Variants in NUP58 observed in about 807,000 individuals in gnomAD.
NUP58 encodes nucleoporin p58/p45.
Under a neutral mutation model 70.1 loss-of-function variants are expected in NUP58, and 17 were observed. That is an observed-to-expected ratio of 0.24 (90% CI 0.17 to 0.36). The LOEUF (loss-of-function observed/expected upper bound fraction) is 0.36. Ranked by LOEUF, NUP58 falls within the 10% of genes least tolerant of loss-of-function variation. NUP58 has a pLI of 1.00. For synonymous variants in NUP58, 275 were observed against 257.6 expected (o/e 1.07, Z -0.65); for missense variants, 644 against 701.5 (o/e 0.92, Z 0.93).
At chr13:25,309,596 G>A (rs1166720438) in intron 3 of NUP58, among the ~76,000 whole-genome samples, 1 of 152,186 alleles carries the variant, frequency 6.6e-6, no homozygotes, top group Non-Finnish European at 1.5e-5. Flanking sequence ...CAAACTTTAA[G>A]CCAGAAATTT....
At chr13:25,337,966 T>C (rs1009005822) in intron 14 of NUP58, among the ~76,000 whole-genome samples, 1 of 152,180 alleles carries the variant, frequency 6.6e-6, no homozygotes, top group Non-Finnish European at 1.5e-5. Context: ...CTTCAAGTAC[T>C]TAGAATGTCA....
At chr13:25,315,221 T>A (rs912146562) in intron 5 of NUP58, 136 bp from the exon 6 acceptor site, 2 of 687,048 alleles carry the variant, frequency 2.9e-6, no homozygotes, top group Admixed American at 5.0e-5. Context: ...TCTCCAGGCT[T>A]GTTTCTTGTT....
In NUP58 at chr13:25,336,983, GGTATT is replaced by G; in HGVS notation, c.1485_1489del (p.Ile496HisfsTer19). ...TAGTTTTGGAACGCCATTCGGCTCAGGTATTGGCACTGGCTTGCAATCAAGTGGCT... is the reference window on the plus strand; with the variant it reads ...TAGTTTTGGAACGCCATTCGGCTCAGGGCACTGGCTTGCAATCAAGTGGCT... On this transcript the variant is annotated frameshift_variant, in exon 14 of 16. Coordinates refer to ENST00000381736, the MANE Select transcript of NUP58 (RefSeq NM_014089.4). LOFTEE classifies it high-confidence loss of function. 1 of 1,608,928 alleles carries G rather than the reference GGTATT, an allele frequency of 6.2e-7. No homozygotes were observed. The highest frequency in any genetic ancestry group is 8.5e-7 in the Non-Finnish European group (1 of 1,178,512).
At chr13:25,337,282 A>G (rs1235177840) in intron 14 of NUP58, among the ~76,000 whole-genome samples, 2 of 152,184 alleles carry the variant, frequency 1.3e-5, no homozygotes, top group South Asian at 2.1e-4. Flanking sequence ...CATGTTTTCA[A>G]AGCAATATGC....
chr13:25,311,525 G>A (rs1469518319), intron 3 of NUP58, among the ~76,000 whole-genome samples: 3 of 151,826 alleles, frequency 2.0e-5, no homozygotes, highest in African/African-American at 4.8e-5. Context: ...ACAGGCATGC[G>A]CCACCACGCC....
rs1007504021 is a variant in NUP58, at chr13:25,338,365, A to G, written c.1535-271A>G. On this transcript the variant is annotated intron_variant, in intron 14 of 15. Transcript: ENST00000381736. ...GGGTAAAATTTTCTAGCACATTTAG[A>G]AGAGAAAATACTAATTTCTTTTTTA... Among the ~76,000 whole-genome samples the G allele has an allele frequency of 1.4e-4, 22 of 152,294 alleles. 1 individual carries two copies. Among genetic ancestry groups the G allele is most frequent in the African/African-American group, 5.3e-4 (22 of 41,566 alleles).
intron 1 of NUP58, among the ~76,000 whole-genome samples, chr13:25,305,460 C>T (rs569451459): frequency 6.6e-6 from 1 of 152,152 alleles, no homozygotes; most frequent in South Asian, 2.1e-4. Context: ...GTGAGCCACC[C>T]GGCCTGGTCA....
chr13:25,318,503 A>T (rs954199295), intron 6 of NUP58, among the ~76,000 whole-genome samples: 2 of 152,192 alleles, frequency 1.3e-5, no homozygotes, highest in African/African-American at 4.8e-5. Context: ...TTAGAAATAC[A>T]TATTAAATTA....
At chr13:25,312,778 G>A in intron 3 of NUP58, 105 bp from the exon 4 acceptor site, 1 of 1,073,306 alleles carries the variant, frequency 9.3e-7, no homozygotes, top group Non-Finnish European at 1.3e-6. Context: ...GCAAAAGGTA[G>A]TATCATGAAC....
chr13:25,304,682 A>G (rs1185711418), intron 1 of NUP58, among the ~76,000 whole-genome samples: 1 of 150,550 alleles, frequency 6.6e-6, no homozygotes, highest in Non-Finnish European at 1.5e-5. Flanking sequence ...ACCCGGCTAA[A>G]TTTTTTATTT....
chr13:25,301,866 A>T lies in NUP58; in HGVS notation c.93A>T (p.Gly31=), dbSNP rs759033394. 7.4e-6 allele frequency: 12 copies of T among 1,612,602 alleles called. No individual in the cohort carries two copies. Among genetic ancestry groups the T allele is most frequent in the South Asian group, 1.1e-5 (1 of 90,950 alleles). ...GTSTGGVFSF[G]TGASSNPSVG... Reference sequence around the variant, plus strand: ...GCACAGGCGGCGTTTTCTCCTTCGGAACGGGAGCGTCTAGGTAACCGCACT... The same window carrying T: ...GCACAGGCGGCGTTTTCTCCTTCGGTACGGGAGCGTCTAGGTAACCGCACT... Residue 31 remains glycine, a synonymous_variant, in exon 1 of 16, where the codon GGA becomes GGT. Transcript: ENST00000381736.
At chr13:25,331,335 G>A (rs748278439) in intron 12 of NUP58, 22 bp from the exon 13 acceptor site, 100 of 1,604,980 alleles carry the variant, frequency 6.2e-5, no homozygotes, top group Non-Finnish European at 7.7e-5. Context: ...TCATTTAGCC[G>A]TTTTGTTTAT....
At chr13:25,331,912 A>G (rs554317218) in intron 13 of NUP58, 134 of 1,071,136 alleles carry the variant, frequency 1.3e-4, no homozygotes, top group Non-Finnish European at 1.5e-4. Flanking sequence ...AAAGTCAGAG[A>G]TCATCCATCC....
chr13:25,316,783 A>C (rs750949227), intron 6 of NUP58, among the ~76,000 whole-genome samples: 3 of 152,194 alleles, frequency 2.0e-5, no homozygotes, highest in Non-Finnish European at 4.4e-5. Flanking sequence ...AGTAAGATAA[A>C]TGTAAGAAAT....
intron 13 of NUP58, chr13:25,332,786 C>G (rs2031655856): frequency 8.1e-6 from 8 of 985,274 alleles, no homozygotes; most frequent in Non-Finnish European, 9.6e-6. Flanking sequence ...TGTAGGATTG[C>G]ATTGTTAAGT....
At chr13:25,324,041 C>G (rs2031294848) in intron 9 of NUP58, among the ~76,000 whole-genome samples, 1 of 152,080 alleles carries the variant, frequency 6.6e-6, no homozygotes, top group South Asian at 2.1e-4. Flanking sequence ...ATGGGCATGT[C>G]TGAAGATCTA....
At position 25,325,018 on chromosome 13, in the gene NUP58, A is replaced by T; in HGVS notation, c.981A>T (p.Arg327Ser). ...QELKNAEIAL[R>S]TQKTPPGLQH... is the part of the protein sequence containing the mutation. ...TGAAGAATGCTGAAATAGCTTTAAG[A>T]ACCCAGAAGACACCACCTGGACTTC... Residue 327 changes from arginine (R) to serine (S), a missense_variant, in exon 10 of 16, where the codon AGA (arginine) becomes AGT (serine). Arg to Ser is a moderately radical substitution (Grantham distance 110). Transcript: ENST00000381736. 1 of 1,609,624 alleles carries T rather than the reference A, an allele frequency of 6.2e-7. No homozygotes were observed. Among genetic ancestry groups the T allele is most frequent in the Non-Finnish European group, 8.5e-7 (1 of 1,178,444 alleles).
chr13:25,319,202 G>C, intron 6 of NUP58, 124 bp from the exon 7 acceptor site: 1 of 895,186 alleles, frequency 1.1e-6, no homozygotes. Context: ...ATGTTTATGA[G>C]GCAAGCAAAG....
rs1279391465 is a variant in NUP58 at position 25,326,992 on chromosome 13, C to T, written c.1108C>T (p.His370Tyr). ...GCAGCAGATTGAAGAACTAGAAAACCATCTTGCCACTCAAGCAAATAATTC... is the reference window on the plus strand; with the variant it reads ...GCAGCAGATTGAAGAACTAGAAAACTATCTTGCCACTCAAGCAAATAATTC... Reference protein sequence around the residue: ...YRQQIEELENHLATQANNSHI... With the variant: ...YRQQIEELENYLATQANNSHI... The change falls in exon 11 of 16, where the codon CAT becomes TAT. Residue 370 changes from histidine to tyrosine, a missense_variant. Physicochemically the swap from His to Tyr is moderately conservative, Grantham distance 83 (BLOSUM62 2). Coordinates refer to ENST00000381736, the MANE Select transcript of NUP58 (RefSeq NM_014089.4). 7 of 1,605,048 alleles carry T rather than the reference C, an allele frequency of 4.4e-6. No homozygotes were observed. Among genetic ancestry groups the T allele is most frequent in the South Asian group, 1.1e-5 (1 of 89,348 alleles).
Sources: gnomAD v4.1 joint callset for allele counts (sites outside exome capture counted in the v4.1 genomes callset) on GRCh38, gnomAD v4.1.1 for gene constraint, MANE v1.5 for transcripts, NCBI Gene and HGNC (gene_info 2026-07-23, HGNC 2026-07-21) for gene names.